The following PKP4 variants were observed in gnomAD, a reference collection of about 807,000 sequenced individuals.
The protein encoded by PKP4 is plakophilin-4.
Under a neutral mutation model 145.1 loss-of-function variants are expected in PKP4, and 90 were observed. The ratio of observed to expected loss-of-function variants is 0.62; its 90% CI spans 0.52 to 0.74. The LOEUF is 0.74. Among genes scored for constraint, PKP4 ranks in the 30% least tolerant of loss-of-function variants. PKP4 has a pLI of 0.00. For synonymous variants in PKP4, 563 were observed against 577.2 expected (o/e 0.98, Z 0.35); for missense variants, 1,340 against 1,482.7 (o/e 0.90, Z 1.58).
chr2:158,522,132 G>A (rs2042433401), intron 1 of PKP4, among the ~76,000 whole-genome samples: 2 of 152,132 alleles, frequency 1.3e-5, no homozygotes, highest in African/African-American at 2.4e-5. Context: ...TACTAAAAAG[G>A]TGAAATAAAG....
chr2:158,653,333 A>G (rs1022852259), intron 11 of PKP4, among the ~76,000 whole-genome samples: 2 of 152,238 alleles, frequency 1.3e-5, no homozygotes, highest in Non-Finnish European at 2.9e-5. Flanking sequence ...TAATTTGACT[A>G]TAAAATTATC....
In PKP4 at chr2:158,666,433, G is replaced by A. The variant is rs781104790; in HGVS notation, c.2598G>A (p.Ala866=). ...GNWKFAAYIR[A]AVRKEKGLPI... ...ACTAGTTTGCAGCATATATCCGGGC[G>A]GCCGTCCGAAAAGAAAAGGGGCTCC... The change falls in exon 16 of 22, where the codon GCG becomes GCA. Residue 866 remains alanine, a synonymous_variant. Coordinates refer to ENST00000389759, the MANE Select transcript of PKP4 (RefSeq NM_003628.6). 2.2e-5 allele frequency: 36 copies of A among 1,605,586 alleles called. No homozygotes were observed. Among genetic ancestry groups the A allele is most frequent in the South Asian group, 6.7e-5 (6 of 88,962 alleles).
rs554926028 is a variant in PKP4, at chr2:158,561,205, G to A, written c.133-16066G>A. Among the ~76,000 whole-genome samples, 5 of 152,296 alleles carry A rather than the reference G, an allele frequency of 3.3e-5. No individual in the cohort carries two copies. In the East Asian group the frequency reaches 9.6e-4, roughly 29 times the overall value. On this transcript the variant is annotated intron_variant, in intron 2 of 21. Coordinates refer to ENST00000389759, the MANE Select transcript of PKP4 (RefSeq NM_003628.6). ...GTTTATGGCTGCTTTTGCACTCCCA[G>A]GTCAAAGGTGAGTAGTTGTGACACA... is the stretch of plus-strand genomic sequence containing the variant.
At chr2:158,561,206 G>A (rs1359893846) in intron 2 of PKP4, among the ~76,000 whole-genome samples, 1 of 152,180 alleles carries the variant, frequency 6.6e-6, no homozygotes, top group Admixed American at 6.5e-5. Context: ...GCACTCCCAG[G>A]TCAAAGGTGA....
At chr2:158,466,532 A>G (rs1690638826) in intron 1 of PKP4, among the ~76,000 whole-genome samples, 1 of 151,048 alleles carries the variant, frequency 6.6e-6, no homozygotes. Flanking sequence ...CCCCATCTCT[A>G]CTAAAAATAC....
At chr2:158,652,409 T>C (rs2055455251) in intron 11 of PKP4, among the ~76,000 whole-genome samples, 1 of 152,184 alleles carries the variant, frequency 6.6e-6, no homozygotes, top group African/African-American at 2.4e-5. Flanking sequence ...TGCCATAGCA[T>C]CTTGGCATTA....
intron 4 of PKP4, among the ~76,000 whole-genome samples, chr2:158,608,175 A>G (rs2050807892): frequency 6.6e-6 from 1 of 152,216 alleles, no homozygotes; most frequent in South Asian, 2.1e-4. Context: ...TTATAAACAT[A>G]TATACCTTCA....
At chr2:158,597,670 G>A (rs2049872759) in intron 3 of PKP4, among the ~76,000 whole-genome samples, 1 of 152,074 alleles carries the variant, frequency 6.6e-6, no homozygotes, top group Admixed American at 6.5e-5. Flanking sequence ...CAATTTCTAG[G>A]ATAATTTGAG....
At chr2:158,566,281 T>C (rs575191623) in intron 2 of PKP4, among the ~76,000 whole-genome samples, 5 of 152,316 alleles carry the variant, frequency 3.3e-5, no homozygotes, top group African/African-American at 1.2e-4. Context: ...GTTTCTCTTA[T>C]CATTTTTATA....
intron 11 of PKP4, among the ~76,000 whole-genome samples, chr2:158,654,906 A>G (rs1375695868): frequency 6.6e-6 from 1 of 152,204 alleles, no homozygotes. Flanking sequence ...GTGTCACACA[A>G]CATATATATA....
At chr2:158,653,228 G>A (rs1045790606) in intron 11 of PKP4, among the ~76,000 whole-genome samples, 23 of 115,038 alleles carry the variant, frequency 2.0e-4, no homozygotes, top group Middle Eastern at 8.5e-3. Flanking sequence ...CAGAGAAATC[G>A]CATTTTCCAA....
intron 2 of PKP4, among the ~76,000 whole-genome samples, chr2:158,549,718 AG>A (rs777527632): frequency 2.0e-5 from 3 of 152,190 alleles, no homozygotes; most frequent in Non-Finnish European, 2.9e-5. Flanking sequence ...CAGTATGGAA[AG>A]GGTCATTAAT....
intron 3 of PKP4, among the ~76,000 whole-genome samples, chr2:158,597,748 T>C (rs1367836504): frequency 6.6e-6 from 1 of 152,240 alleles, no homozygotes; most frequent in Non-Finnish European, 1.5e-5. Flanking sequence ...TTTTCAGCTA[T>C]TAATGAGTTA....
chr2:158,534,899 T>C (rs1215750834), intron 2 of PKP4, among the ~76,000 whole-genome samples: 1 of 152,206 alleles, frequency 6.6e-6, no homozygotes, highest in Non-Finnish European at 1.5e-5. Flanking sequence ...CAGCCAAAAA[T>C]GTATTCATCT....
intron 1 of PKP4, among the ~76,000 whole-genome samples, chr2:158,472,895 A>G (rs1246241136): frequency 6.6e-6 from 1 of 152,216 alleles, no homozygotes; most frequent in Non-Finnish European, 1.5e-5. Flanking sequence ...AGAATGGGAG[A>G]AAATATTTGC....
At chr2:158,673,285 C>T (rs2106013847) in intron 17 of PKP4, among the ~76,000 whole-genome samples, 1 of 152,336 alleles carries the variant, frequency 6.6e-6, no homozygotes, top group Non-Finnish European at 1.5e-5. Context: ...AAAACATACT[C>T]ACTTGGGAGG....
At chr2:158,460,515 AT>A (rs1689600959) in intron 1 of PKP4, among the ~76,000 whole-genome samples, 1 of 152,194 alleles carries the variant, frequency 6.6e-6, no homozygotes, top group African/African-American at 2.4e-5. Context: ...TTTAAATAAT[AT>A]TCATACCCTG....
At chr2:158,492,885 A>G (rs1695151697) in intron 1 of PKP4, among the ~76,000 whole-genome samples, 1 of 152,214 alleles carries the variant, frequency 6.6e-6, no homozygotes, top group South Asian at 2.1e-4. Flanking sequence ...TTTCTTTAAG[A>G]AAAGGGGATT....
At chr2:158,655,557 A>G (rs548237204) in intron 11 of PKP4, among the ~76,000 whole-genome samples, 2 of 84,784 alleles carry the variant, frequency 2.4e-5, no homozygotes, top group African/African-American at 5.4e-5. Flanking sequence ...TATATATCCA[A>G]TATTATAGTA....
Sources: allele counts gnomAD v4.1 joint callset (sites outside exome capture counted in the v4.1 genomes callset), GRCh38; gene constraint gnomAD v4.1.1; transcripts MANE v1.5; gene names NCBI Gene and HGNC (gene_info 2026-07-23, HGNC 2026-07-21).